BMPR2: variants seen among roughly 807,000 people sequenced by gnomAD.
BMPR2 encodes bone morphogenetic protein receptor type-2.
In BMPR2, 29 loss-of-function variants were observed where a neutral mutation model predicts 100.8. The observed-to-expected ratio is 0.29, with a 90% CI of 0.21 to 0.39. BMPR2 has a LOEUF of 0.39. Among genes scored for constraint, BMPR2 ranks in the 10% least tolerant of loss-of-function variants. BMPR2 has a pLI of 1.00. For synonymous variants in BMPR2, 382 were observed against 442.3 expected (o/e 0.86, Z 1.71); for missense variants, 1,011 against 1,274.5 (o/e 0.79, Z 3.15).
intron 1 of BMPR2, among the ~76,000 whole-genome samples, chr2:202,437,015 AT>A (rs944816096): frequency 4.7e-5 from 7 of 148,344 alleles, no homozygotes; most frequent in African/African-American, 7.7e-5. Context: ...AAAACTCTAA[AT>A]TTTTTTTTTG....
intron 1 of BMPR2, among the ~76,000 whole-genome samples, chr2:202,452,092 A>T (rs2105948492): frequency 6.6e-6 from 1 of 151,622 alleles, no homozygotes; most frequent in Non-Finnish European, 1.5e-5. Context: ...TAGTCATGAA[A>T]CTCCCCACCA....
At chr2:202,473,366 C>T (rs142901034) in intron 3 of BMPR2, among the ~76,000 whole-genome samples, 2 of 152,186 alleles carry the variant, frequency 1.3e-5, no homozygotes, top group African/African-American at 4.8e-5. Flanking sequence ...ATGGGAGGAT[C>T]ACTTGAGTTT....
Position 202,552,816 on chromosome 2 carries a change from T to C in BMPR2, c.1514T>C (p.Met505Thr), listed in dbSNP as rs746676365. 15 of 1,614,064 alleles carry C rather than the reference T, an allele frequency of 9.3e-6. No individual in the cohort carries two copies. The highest frequency in any genetic ancestry group is 5.5e-5 in the South Asian group (5 of 91,090). ...GCTGAGGAAAGGATGGCTGAACTTATGATGATTTGGGAAAGAAACAAATCT... is the reference window on the plus strand; with the variant it reads ...GCTGAGGAAAGGATGGCTGAACTTACGATGATTTGGGAAAGAAACAAATCT... The part of the protein sequence containing the change: ...QCAEERMAEL[M>T]MIWERNKSVS... The change falls in exon 11 of 13, where the codon ATG (methionine) becomes ACG (threonine). Residue 505 changes from methionine to threonine, a missense_variant. Around this residue, in one of 6 missense-constraint regions of BMPR2, gnomAD observed 83 missense variants for 140.7 expected, o/e 0.59. Transcript: ENST00000374580.
At chr2:202,544,547 T>A (rs78485807) in intron 10 of BMPR2, among the ~76,000 whole-genome samples, 167 of 152,266 alleles carry the variant, frequency 1.1e-3, no homozygotes, top group African/African-American at 3.6e-3. Context: ...CTGAATCGTT[T>A]CATTGCTTTT....
At chr2:202,418,477 G>GC (rs1206631002) in intron 1 of BMPR2, among the ~76,000 whole-genome samples, 2 of 152,148 alleles carry the variant, frequency 1.3e-5, no homozygotes, top group Non-Finnish European at 2.9e-5. Flanking sequence ...GTGACCAAGG[G>GC]CCCATGACAC....
At chr2:202,470,934 C>G (rs1308032661) in intron 3 of BMPR2, among the ~76,000 whole-genome samples, 1 of 152,120 alleles carries the variant, frequency 6.6e-6, no homozygotes, top group Non-Finnish European at 1.5e-5. Flanking sequence ...TGGCACACGC[C>G]TGTAGTCCCA....
At chr2:202,385,388 C>T (rs1197388195) in intron 1 of BMPR2, among the ~76,000 whole-genome samples, 16 of 80,310 alleles carry the variant, frequency 2.0e-4, no homozygotes, top group African/African-American at 2.4e-4. Flanking sequence ...TTTTTTGAGA[C>T]GGAGTCTCGC....
At chr2:202,525,122 A>G (rs921913408) in intron 7 of BMPR2, among the ~76,000 whole-genome samples, 2 of 152,174 alleles carry the variant, frequency 1.3e-5, no homozygotes, top group Non-Finnish European at 2.9e-5. Flanking sequence ...TGTTTAAGTG[A>G]ACTACAATGC....
intron 3 of BMPR2, among the ~76,000 whole-genome samples, chr2:202,506,934 A>T (rs1333645360): frequency 6.6e-6 from 1 of 150,992 alleles, no homozygotes; most frequent in African/African-American, 2.4e-5. Context: ...TTAGCCGGGC[A>T]TAGTGGCGTG....
At chr2:202,402,244 T>G (rs1214277580) in intron 1 of BMPR2, among the ~76,000 whole-genome samples, 1 of 152,070 alleles carries the variant, frequency 6.6e-6, no homozygotes, top group Non-Finnish European at 1.5e-5. Context: ...TTTGGCCGGG[T>G]GTGGTGGCTC....
At chr2:202,441,686 C>A (rs1312529584) in intron 1 of BMPR2, among the ~76,000 whole-genome samples, 10 of 135,002 alleles carry the variant, frequency 7.4e-5, no homozygotes, top group Admixed American at 5.5e-4. Context: ...CCACTGCACT[C>A]CAGCCTGGGC....
At position 202,498,594 on chromosome 2, in the gene BMPR2, C is replaced by T. The variant is rs141517994; in HGVS notation, c.419-15125C>T. 7.3e-3 allele frequency among the ~76,000 whole-genome samples: 1,104 copies of T among 152,060 alleles called. 60 individuals are homozygous for T. The highest frequency in any genetic ancestry group is 0.069 in the Admixed American group (1,055 of 15,264). On this transcript the variant is annotated intron_variant, in intron 3 of 12. Transcript: ENST00000374580. ...GCGAGTTCTTGGGCAGGGGGAGAAA[C>T]AAAACAAACCAAAACCACGGGCGGT...
At position 202,490,417 on chromosome 2, in the gene BMPR2, A is replaced by G. The variant is rs529260961; in HGVS notation, c.418+22728A>G. Among the ~76,000 whole-genome samples the G allele has an allele frequency of 1.5e-4, 23 of 152,344 alleles. No homozygotes were observed. In the South Asian group the frequency reaches 4.6e-3, roughly 30 times the overall value. On this transcript the variant is annotated intron_variant, in intron 3 of 12. Transcript: ENST00000374580. ...CACACACAAGTATGTATTGGAACCTATACATTTAGTACCACTTATTTTTTG... is the reference window on the plus strand; with the variant it reads ...CACACACAAGTATGTATTGGAACCTGTACATTTAGTACCACTTATTTTTTG...
rs561549688 is a variant in BMPR2, at chr2:202,444,852, G to A, written c.77-19957G>A. On this transcript the variant is annotated intron_variant, in intron 1 of 12. Transcript: ENST00000374580. ...TTCCCAGGCTGAAGTGCAATGGCAC[G>A]ATCTGAGCTCACTGCATCCTCCGCC... Among the ~76,000 whole-genome samples, 66 of 150,802 alleles carry A rather than the reference G, an allele frequency of 4.4e-4. 4 individuals are homozygous for A. The highest frequency in any genetic ancestry group is 1.5e-3 in the African/African-American group (62 of 40,154).
intron 1 of BMPR2, among the ~76,000 whole-genome samples, chr2:202,385,132 A>G (rs952434318): frequency 6.6e-6 from 1 of 152,088 alleles, no homozygotes; most frequent in African/African-American, 2.4e-5. Flanking sequence ...TAGATGAGGA[A>G]ATAGTTAAGA....
rs367858541 is a variant in BMPR2 at position 202,508,790 on chromosome 2, A to G, written c.419-4929A>G. Among the ~76,000 whole-genome samples, 4 of 152,248 alleles carry G rather than the reference A, an allele frequency of 2.6e-5. 1 individual carries two copies. The East Asian group carries it at 5.8e-4, about 22-fold the overall frequency. On this transcript the variant is annotated intron_variant, in intron 3 of 12. Transcript: ENST00000374580. ...TTAAAACTAGAACAAGCAACCTTCC[A>G]TTGGCACTTTCTGGCATGATCAAGA...
chr2:202,515,298 G>A (rs949059449), intron 5 of BMPR2, among the ~76,000 whole-genome samples: 6 of 152,094 alleles, frequency 3.9e-5, no homozygotes, highest in Admixed American at 6.5e-5. Context: ...TGGGCCAGGC[G>A]CAGTGGCTCA....
intron 1 of BMPR2, among the ~76,000 whole-genome samples, chr2:202,410,671 C>T (rs1559029780): frequency 6.6e-6 from 1 of 152,152 alleles, no homozygotes; most frequent in African/African-American, 2.4e-5. Flanking sequence ...GTTCCACCTC[C>T]CGGGTTCACA....
chr2:202,551,155 G>GT (rs1363749564), intron 10 of BMPR2, among the ~76,000 whole-genome samples: 3 of 151,782 alleles, frequency 2.0e-5, no homozygotes, highest in Non-Finnish European at 4.4e-5. Flanking sequence ...ATACCTAAGA[G>GT]TAGGATGATT....
Sources: allele counts gnomAD v4.1 joint callset (sites outside exome capture counted in the v4.1 genomes callset), GRCh38; gene constraint gnomAD v4.1.1; regional missense constraint gnomAD v4.1.1; transcripts MANE v1.5; gene names NCBI Gene and HGNC (gene_info 2026-07-23, HGNC 2026-07-21).